Variants in DPYSL2 observed in about 807,000 individuals in gnomAD.
DPYSL2 encodes dihydropyrimidinase-related protein 2.
In DPYSL2, 13 loss-of-function variants were observed where a neutral mutation model predicts 69.9. The ratio of observed to expected loss-of-function variants is 0.19; its 90% confidence interval spans 0.12 to 0.30. The LOEUF (loss-of-function observed/expected upper bound fraction) is 0.30. Among genes scored for constraint, DPYSL2 ranks in the 10% least tolerant of loss-of-function variants. DPYSL2 has a pLI of 1.00. For missense variants in DPYSL2, 587 were observed against 918.9 expected, an observed-to-expected ratio of 0.64 and a Z score of 4.67; for synonymous variants, 326 against 359.1, an observed-to-expected ratio of 0.91 and a Z score of 1.04.
chr8:26,628,240 T>C (rs1802664490), intron 7 of DPYSL2, among the ~76,000 whole-genome samples: 1 of 152,218 alleles, frequency 6.6e-6, no homozygotes, highest in Admixed American at 6.5e-5. Context: ...TCCTGCAATG[T>C]AGATTTTAGT....
intron 1 of DPYSL2, among the ~76,000 whole-genome samples, chr8:26,539,791 C>T (rs535859576): frequency 5.7e-4 from 87 of 152,290 alleles, no homozygotes; most frequent in African/African-American, 1.9e-3. Context: ...CTACCTTCCC[C>T]GCCCTGCCAG....
chr8:26,548,558 C>T (rs1343380389), intron 1 of DPYSL2: 1 of 151,978 alleles, frequency 6.6e-6, no homozygotes, highest in Non-Finnish European at 1.5e-5. Context: ...TCCTAAACTC[C>T]TAACAGTAAT....
chr8:26,549,972 A>C (rs1800846765), intron 1 of DPYSL2, among the ~76,000 whole-genome samples: 1 of 152,244 alleles, frequency 6.6e-6, no homozygotes, highest in African/African-American at 2.4e-5. Context: ...ACTTAAAGAA[A>C]GGAAGAGTGT....
At chr8:26,529,634 A>G (rs1475850885) in intron 1 of DPYSL2, among the ~76,000 whole-genome samples, 1 of 151,920 alleles carries the variant, frequency 6.6e-6, no homozygotes, top group Non-Finnish European at 1.5e-5. Context: ...TCTTTTAAAA[A>G]CTTGATGCAT....
intron 1 of DPYSL2, among the ~76,000 whole-genome samples, chr8:26,526,933 T>C (rs1372526860): frequency 6.6e-6 from 1 of 152,246 alleles, no homozygotes; most frequent in African/African-American, 2.4e-5. Flanking sequence ...GGGACAATCC[T>C]ATGACTGGGC....
At chr8:26,635,676 G>C (rs1266033911) in intron 8 of DPYSL2, among the ~76,000 whole-genome samples, 2 of 92,366 alleles carry the variant, frequency 2.2e-5, no homozygotes, top group Non-Finnish European at 6.0e-5. Flanking sequence ...TTATAAAAGG[G>C]TCCCCTTCTT....
intron 1 of DPYSL2, among the ~76,000 whole-genome samples, chr8:26,553,114 G>A (rs1800894949): frequency 6.6e-6 from 1 of 152,112 alleles, no homozygotes. Flanking sequence ...AGAAGAAATA[G>A]ATAATCGGAA....
rs542250062 is a variant in DPYSL2 at position 26,610,251 on chromosome 8, G to C, written c.629-13892G>C. 6.6e-6 allele frequency among the ~76,000 whole-genome samples: 1 copy of C among 152,282 alleles called. No individual in the cohort carries two copies. Among genetic ancestry groups the C allele is most frequent in the African/African-American group, 2.4e-5 (1 of 41,540 alleles). On this transcript the variant is annotated intron_variant, in intron 3 of 13. Coordinates refer to ENST00000521913, the MANE Select transcript of DPYSL2 (RefSeq NM_001197293.3). The surrounding 1 kb of genome is among the most constrained non-coding windows in gnomAD (Gnocchi z 4.5). Reference sequence around the variant, plus strand: ...TCTGCTCTGATAGGTGGTTTTACTTGCATTTGATTTTTGATAGAATGAGAG... The same window carrying C: ...TCTGCTCTGATAGGTGGTTTTACTTCCATTTGATTTTTGATAGAATGAGAG...
Position 26,647,889 on chromosome 8 carries a change from G to T in DPYSL2, c.1596+89G>T, listed in dbSNP as rs1290551451. On this transcript the variant is annotated intron_variant, in intron 11 of 13. Transcript: ENST00000521913. The surrounding 1 kb of genome is among the most constrained non-coding windows in gnomAD (Gnocchi z 5.1). ...GGGAGAGCCCCAGGGTTTCTAAAAA[G>T]AACTTGCTGTGATGGGAATGCGCTC... is the stretch of plus-strand genomic sequence containing the variant. 3 of 1,458,470 alleles carry T rather than the reference G, an allele frequency of 2.1e-6. No individual in the cohort carries two copies. Among genetic ancestry groups the T allele is most frequent in the Non-Finnish European group, 2.7e-6 (3 of 1,093,734 alleles). The allele number at this position is 1,458,470 out of a possible 1,614,324, so 90.3% of individuals were successfully genotyped here. A position where few individuals can be genotyped will look rare whatever the true frequency, so the allele number is the denominator to read the frequency against.
At chr8:26,581,790 C>T (rs1801498873) in intron 1 of DPYSL2, among the ~76,000 whole-genome samples, 179 bp from the exon 2 acceptor site, 1 of 152,010 alleles carries the variant, frequency 6.6e-6, no homozygotes, top group African/African-American at 2.4e-5. Context: ...TGTTCTGACT[C>T]ATCAGGTGAT....
At chr8:26,526,849 T>G (rs2117606317) in intron 1 of DPYSL2, among the ~76,000 whole-genome samples, 2 of 152,322 alleles carry the variant, frequency 1.3e-5, no homozygotes, top group East Asian at 3.9e-4. Context: ...GAGAAGGATC[T>G]GGGCTTTGGT....
In DPYSL2 at chr8:26,609,663, G is replaced by A. The variant is rs1227868709; in HGVS notation, c.629-14480G>A. On this transcript the variant is annotated intron_variant, in intron 3 of 13. Coordinates refer to ENST00000521913, the MANE Select transcript of DPYSL2 (RefSeq NM_001197293.3). This position sits in a 1 kb window ranked among gnomAD's most constrained non-coding sequence, Gnocchi z 6.5. Reference sequence around the variant, plus strand: ...TGGCCACCTCATCGGGCTGGACGCTGCCGGCTGCCACCCGTCGCTGAGCTG... The same window carrying A: ...TGGCCACCTCATCGGGCTGGACGCTACCGGCTGCCACCCGTCGCTGAGCTG... 6.6e-6 allele frequency among the ~76,000 whole-genome samples: 1 copy of A among 152,212 alleles called. No individual in the cohort carries two copies. The highest frequency in any genetic ancestry group is 1.5e-5 in the Non-Finnish European group (1 of 68,028).
chr8:26,578,551 G>A, intron 1 of DPYSL2: 3 of 1,387,608 alleles, frequency 2.2e-6, no homozygotes, highest in Non-Finnish European at 2.8e-6. Context: ...GCCAGACCCG[G>A]TCTATCTTTT....
Position 26,587,094 on chromosome 8 carries a change from C to G in DPYSL2, c.628+3111C>G, listed in dbSNP as rs1801623482. Among the ~76,000 whole-genome samples, 1 of 152,128 alleles carries G rather than the reference C, an allele frequency of 6.6e-6. No homozygotes were observed. Among genetic ancestry groups the G allele is most frequent in the Admixed American group, 6.5e-5 (1 of 15,274 alleles). Reference sequence around the variant, plus strand: ...GAACTGAGGAATTTTTATCCTTTTTCTGTTTGCTGACCAGACGTTCTGCAT... The same window carrying G: ...GAACTGAGGAATTTTTATCCTTTTTGTGTTTGCTGACCAGACGTTCTGCAT... On this transcript the variant is annotated intron_variant, in intron 3 of 13. Transcript: ENST00000521913. The surrounding 1 kb of genome is among the most constrained non-coding windows in gnomAD (Gnocchi z 4.2).
chr8:26,613,716 C>T (rs1042342711), intron 3 of DPYSL2, among the ~76,000 whole-genome samples: 68 of 152,286 alleles, frequency 4.5e-4, no homozygotes, highest in Admixed American at 7.8e-4. Flanking sequence ...AGCCCCATGC[C>T]TGCCAGCCAG....
chr8:26,578,605 G>A (rs1006868397), intron 1 of DPYSL2: 170 of 1,249,642 alleles, frequency 1.4e-4, no homozygotes, highest in Non-Finnish European at 1.5e-4. Flanking sequence ...CGGGGTGCAA[G>A]CAAATGGATG....
intron 1 of DPYSL2, among the ~76,000 whole-genome samples, chr8:26,515,308 C>G (rs1232172298): frequency 1.3e-5 from 2 of 152,178 alleles, no homozygotes; most frequent in South Asian, 4.1e-4. Flanking sequence ...CCGAGGAAAC[C>G]GAGACGCTCC....
In DPYSL2 at chr8:26,588,691, G is replaced by A. The variant is rs1801657617; in HGVS notation, c.628+4708G>A. Among the ~76,000 whole-genome samples the A allele has an allele frequency of 6.6e-6, 1 of 152,144 alleles. No individual in the cohort carries two copies. The highest frequency in any genetic ancestry group is 1.5e-5 in the Non-Finnish European group (1 of 68,024). On this transcript the variant is annotated intron_variant, in intron 3 of 13. Coordinates refer to ENST00000521913, the MANE Select transcript of DPYSL2 (RefSeq NM_001197293.3). The surrounding 1 kb of genome is among the most constrained non-coding windows in gnomAD (Gnocchi z 5.4). Reference sequence around the variant, plus strand: ...AAGGGGCCCTCCCTCCTGAGTACCAGCCTTGTCACTTCTCCCCTGGCTGTG... The same window carrying A: ...AAGGGGCCCTCCCTCCTGAGTACCAACCTTGTCACTTCTCCCCTGGCTGTG...
intron 1 of DPYSL2, among the ~76,000 whole-genome samples, chr8:26,523,719 G>T (rs1808429609): frequency 6.6e-6 from 1 of 151,776 alleles, no homozygotes; most frequent in Non-Finnish European, 1.5e-5. Context: ...GGAGTGTAGT[G>T]GTGCCATCAT....
Sources: allele counts gnomAD v4.1 joint callset (sites outside exome capture counted in the v4.1 genomes callset), GRCh38; gene constraint gnomAD v4.1.1; non-coding constraint Gnocchi (gnomAD v3.1); transcripts MANE v1.5; gene names NCBI Gene and HGNC (gene_info 2026-07-23, HGNC 2026-07-21).